NR3C2: variants seen among roughly 807,000 people sequenced by gnomAD.
NR3C2 encodes the protein nuclear receptor subfamily 3 group C member 2.
Under a neutral mutation model 86.4 loss-of-function variants are expected in NR3C2, and 15 were observed. That is an observed-to-expected ratio of 0.17 (90% CI 0.12 to 0.27). NR3C2 has a LOEUF of 0.27. NR3C2 is among the 10% of genes least tolerant of loss of function. The pLI, the probability that NR3C2 is intolerant of heterozygous loss-of-function variation, is 1.00. For missense variants in NR3C2, 960 were observed against 1,195.6 expected, an observed-to-expected ratio of 0.80 and a Z score of 2.91; for synonymous variants, 458 against 450.5, an observed-to-expected ratio of 1.02 and a Z score of -0.21.
intron 2 of NR3C2, among the ~76,000 whole-genome samples, chr4:148,345,880 C>T (rs1041348491): frequency 6.6e-6 from 1 of 151,998 alleles, no homozygotes; most frequent in African/African-American, 2.4e-5. Context: ...GAGGTTATAG[C>T]CCAGTAAAGA....
At chr4:148,217,169 G>C (rs536976870) in intron 3 of NR3C2, among the ~76,000 whole-genome samples, 1 of 152,180 alleles carries the variant, frequency 6.6e-6, no homozygotes, top group Admixed American at 6.5e-5. Context: ...TGGGTTCCCC[G>C]TGGTCAGAGT....
chr4:148,437,005 C>G, intron 1 of NR3C2, 143 bp from the exon 2 acceptor site: 2 of 700,306 alleles, frequency 2.9e-6, no homozygotes, highest in South Asian at 3.7e-5. Flanking sequence ...AAACTGTTAC[C>G]TTTTTGGATG....
At position 148,359,464 on chromosome 4, in the gene NR3C2, A is replaced by G. The variant is rs374026900; in HGVS notation, c.1757+75640T>C. Among the ~76,000 whole-genome samples the G allele has an allele frequency of 5.9e-5, 9 of 152,268 alleles. No individual in the cohort carries two copies. In the East Asian group the frequency reaches 1.5e-3, roughly 26 times the overall value. ...TTCCCCACAACAAAGGATTCTAGTG[A>G]CCTTTGGTTTTACCATTCACAAATG... On this transcript the variant is annotated intron_variant, in intron 2 of 8. Coordinates refer to ENST00000358102, the MANE Select transcript of NR3C2 (RefSeq NM_000901.5).
chr4:148,129,582 T>C (rs1253348218), intron 6 of NR3C2, among the ~76,000 whole-genome samples: 2 of 152,244 alleles, frequency 1.3e-5, no homozygotes, highest in African/African-American at 2.4e-5. Context: ...TAATCCTACC[T>C]GTTATAACTT....
At chr4:148,315,092 A>G (rs1743100515) in intron 2 of NR3C2, among the ~76,000 whole-genome samples, 1 of 152,238 alleles carries the variant, frequency 6.6e-6, no homozygotes, top group South Asian at 2.1e-4. Flanking sequence ...CAGCTTTTGC[A>G]GTATGTCATG....
intron 4 of NR3C2, among the ~76,000 whole-genome samples, chr4:148,166,645 T>G (rs977766868): frequency 6.6e-6 from 1 of 152,174 alleles, no homozygotes; most frequent in Non-Finnish European, 1.5e-5. Flanking sequence ...AAGAGAGGAT[T>G]TAAGAAAGTT....
At chr4:148,121,988 T>A (rs558803195) in intron 6 of NR3C2, among the ~76,000 whole-genome samples, 10 of 94,718 alleles carry the variant, frequency 1.1e-4, no homozygotes, top group African/African-American at 3.4e-4. Flanking sequence ...GAGTCATAGA[T>A]TTGCACATGT....
intron 4 of NR3C2, among the ~76,000 whole-genome samples, chr4:148,188,657 C>T (rs1736049673): frequency 6.6e-6 from 1 of 151,988 alleles, no homozygotes; most frequent in Non-Finnish European, 1.5e-5. Flanking sequence ...TTTTCAAGGT[C>T]AACGATCATA....
chr4:148,212,078 C>T (rs1484927487), intron 3 of NR3C2, among the ~76,000 whole-genome samples: 1 of 152,208 alleles, frequency 6.6e-6, no homozygotes, highest in Non-Finnish European at 1.5e-5. Flanking sequence ...AATACCTGCA[C>T]ACTTGATTGA....
rs917291420 is a variant in NR3C2 at position 148,369,236 on chromosome 4, G to A, written c.1757+65868C>T. Among the ~76,000 whole-genome samples, 3 of 152,126 alleles carry A rather than the reference G, an allele frequency of 2.0e-5. No homozygotes were observed. The South Asian group carries it at 6.2e-4, about 31-fold the overall frequency. The stretch of plus-strand genomic sequence containing the variant: ...ATTCTGTACATGGCATTGCATTAGC[G>A]ATTTTTTATGGCTTCAAAATGCTTG... On this transcript the variant is annotated intron_variant, in intron 2 of 8. Coordinates refer to ENST00000358102, the MANE Select transcript of NR3C2 (RefSeq NM_000901.5).
intron 2 of NR3C2, among the ~76,000 whole-genome samples, chr4:148,357,720 A>G (rs907833647): frequency 3.3e-5 from 5 of 152,180 alleles, no homozygotes; most frequent in Non-Finnish European, 7.3e-5. Context: ...ATACCATATT[A>G]TATTGATTTT....
intron 3 of NR3C2, among the ~76,000 whole-genome samples, chr4:148,237,808 T>C (rs1354570196): frequency 6.6e-6 from 1 of 152,060 alleles, no homozygotes; most frequent in Non-Finnish European, 1.5e-5. Flanking sequence ...ACGAGAAATA[T>C]ATATGCTAAA....
At chr4:148,352,501 G>A (rs554458529) in intron 2 of NR3C2, among the ~76,000 whole-genome samples, 10 of 152,034 alleles carry the variant, frequency 6.6e-5, no homozygotes, top group African/African-American at 1.2e-4. Flanking sequence ...CAAACTCACC[G>A]CAGGCTGCCA....
At chr4:148,088,676 G>C (rs1730925841) in intron 8 of NR3C2, among the ~76,000 whole-genome samples, 1 of 150,370 alleles carries the variant, frequency 6.7e-6, no homozygotes, top group Non-Finnish European at 1.5e-5. Flanking sequence ...AGAACACATG[G>C]ACACAGGGAG....
Position 148,079,377 on chromosome 4 carries a change from G to A in NR3C2, c.*1967C>T, listed in dbSNP as rs1046246444. 2.0e-5 allele frequency: 3 copies of A among 152,234 alleles called. No homozygotes were observed. The highest frequency in any genetic ancestry group is 7.2e-5 in the African/African-American group (3 of 41,448). The allele number at this position is 152,234 out of a possible 1,614,324, so 9.4% of individuals were successfully genotyped here. ...AGGTTTCCCCTTGCATAAGGCAGGT[G>A]TCTTTTGAAAGACAAGGTAATGTTG... On this transcript the variant is annotated 3_prime_UTR_variant, in exon 9 of 9. Transcript: ENST00000358102.
Position 148,378,629 on chromosome 4 carries a change from T to A in NR3C2, c.1757+56475A>T, listed in dbSNP as rs1249346233. 2.0e-5 allele frequency among the ~76,000 whole-genome samples: 3 copies of A among 152,188 alleles called. No individual in the cohort carries two copies. The South Asian group carries it at 6.2e-4, about 32-fold the overall frequency. ...TCCCCTGTCTCTTTCTTCCTCATAC[T>A]TCAGCCATGTAAGACGTGCCTGCTT... is the stretch of plus-strand genomic sequence containing the variant. On this transcript the variant is annotated intron_variant, in intron 2 of 8. Transcript: ENST00000358102.
At chr4:148,378,388 A>C (rs928586354) in intron 2 of NR3C2, among the ~76,000 whole-genome samples, 1 of 152,070 alleles carries the variant, frequency 6.6e-6, no homozygotes. Context: ...ACCAAAAAAA[A>C]AAAAATATAC....
intron 2 of NR3C2, among the ~76,000 whole-genome samples, chr4:148,386,674 G>A (rs72656892): frequency 1.9e-3 from 286 of 152,260 alleles, no homozygotes; most frequent in African/African-American, 6.0e-3. Flanking sequence ...GTCAGGCCCC[G>A]CGGTCGCCTA....
intron 4 of NR3C2, among the ~76,000 whole-genome samples, chr4:148,191,831 A>AT (rs1736210142): frequency 6.6e-6 from 1 of 152,118 alleles, no homozygotes; most frequent in South Asian, 2.1e-4. Context: ...AGTTTCCAGA[A>AT]TTTTTGATTG....
Sources: gnomAD v4.1 joint callset for allele counts (sites outside exome capture counted in the v4.1 genomes callset) on GRCh38, gnomAD v4.1.1 for gene constraint, MANE v1.5 for transcripts, NCBI Gene and HGNC (gene_info 2026-07-23, HGNC 2026-07-21) for gene names.